ADAM12: variants seen among roughly 807,000 people sequenced by gnomAD.
The protein encoded by ADAM12 is ADAM metallopeptidase domain 12, also known as disintegrin and metalloproteinase domain-containing protein 12.
A neutral mutation model predicts 106.4 loss-of-function variants in ADAM12; 70 were observed. That is an observed-to-expected ratio of 0.66 (90% CI 0.54 to 0.80). The LOEUF (loss-of-function observed/expected upper bound fraction) is 0.80, where lower values mean the gene tolerates loss of function less well. ADAM12 is among the 30% of genes least tolerant of loss of function. The pLI is 0.00. For missense variants in ADAM12, 1,010 were observed against 1,171.9 expected, an observed-to-expected ratio of 0.86 and a Z score of 2.02; for synonymous variants, 420 against 433.5, an observed-to-expected ratio of 0.97 and a Z score of 0.39.
At chr10:126,374,256 TC>T in intron 1 of ADAM12, among the ~76,000 whole-genome samples, 1 of 152,162 alleles carries the variant, frequency 6.6e-6, no homozygotes, top group East Asian at 1.9e-4. Flanking sequence ...ACTCTTCTAA[TC>T]CAGGGTACAT....
At chr10:126,231,045 C>T (rs10901565) in intron 3 of ADAM12, among the ~76,000 whole-genome samples, 30,166 of 152,098 alleles carry the variant, frequency 0.2, 3,151 homozygotes, top group African/African-American at 0.26. Flanking sequence ...AAGACATCAA[C>T]TTAAAGGGAC....
chr10:126,190,989 C>CTTTTTTTT lies in ADAM12; in HGVS notation c.261-35685_261-35684insAAAAAAAA, dbSNP rs1957488604. Among the ~76,000 whole-genome samples, 52 of 68,728 alleles carry CTTTTTTTT rather than the reference C, an allele frequency of 7.6e-4. 24 individuals are homozygous for CTTTTTTTT. Among genetic ancestry groups the CTTTTTTTT allele is most frequent in the African/African-American group, 9.5e-4 (25 of 26,306 alleles). The allele number at this position is 68,728 out of a possible 152,430, so 45.1% of individuals were successfully genotyped here. A position where few individuals can be genotyped will look rare whatever the true frequency, so the allele number is the denominator to read the frequency against. On this transcript the variant is annotated intron_variant, in intron 3 of 22. Transcript: ENST00000448723. ...TTTGAGTTGCCATGAGGAGTTTTGTCCTTTTTTTTTTTTTTTTTTTTTTTT... is the reference window on the plus strand; with the variant it reads ...TTTGAGTTGCCATGAGGAGTTTTGTCTTTTTTTTCTTTTTTTTTTTTTTTTTTTTTTTT...
chr10:126,229,866 G>A (rs1161757290), intron 3 of ADAM12, among the ~76,000 whole-genome samples: 1 of 152,114 alleles, frequency 6.6e-6, no homozygotes, highest in Non-Finnish European at 1.5e-5. Context: ...ATGCTTCTGC[G>A]CTTTCTATTG....
intron 3 of ADAM12, among the ~76,000 whole-genome samples, chr10:126,239,684 T>C (rs530376145): frequency 3.9e-4 from 59 of 152,226 alleles, no homozygotes; most frequent in Non-Finnish European, 6.0e-4. Flanking sequence ...ATCTAAGGAA[T>C]TATGACATAG....
At chr10:126,202,570 C>T (rs1052228187) in intron 3 of ADAM12, among the ~76,000 whole-genome samples, 18 of 152,142 alleles carry the variant, frequency 1.2e-4, no homozygotes, top group Admixed American at 6.5e-5. Flanking sequence ...ATAATTGCTG[C>T]AGTGGATTGA....
At chr10:126,262,334 A>G (rs1959018713) in intron 3 of ADAM12, among the ~76,000 whole-genome samples, 1 of 149,452 alleles carries the variant, frequency 6.7e-6, no homozygotes, top group Non-Finnish European at 1.5e-5. Flanking sequence ...GATTATAGGA[A>G]AAAAAGATGC....
intron 1 of ADAM12, among the ~76,000 whole-genome samples, chr10:126,370,310 C>A (rs1856064978): frequency 6.6e-6 from 1 of 152,186 alleles, no homozygotes; most frequent in Non-Finnish European, 1.5e-5. Flanking sequence ...CAATAAATAA[C>A]AAATGCACTC....
rs189710207 is a variant in ADAM12, at chr10:126,206,947, C to A, written c.261-51642G>T. 6.0e-5 allele frequency among the ~76,000 whole-genome samples: 9 copies of A among 150,680 alleles called. No homozygotes were observed. The East Asian group carries it at 1.8e-3, about 29-fold the overall frequency. The stretch of plus-strand genomic sequence containing the variant: ...TGATAGTGAATAAGTCTCACAAGAT[C>A]TGATGGTTTTATAAAGGGGAGTTTC... On this transcript the variant is annotated intron_variant, in intron 3 of 22. Transcript: ENST00000448723.
Position 126,017,149 on chromosome 10 carries a change from C to A in ADAM12, c.*130G>T. ...CACAGCACAGCACTGACGGCAGTAGCTCAAAGTTCTTATAGTAATGATGTT... is the reference window on the plus strand; with the variant it reads ...CACAGCACAGCACTGACGGCAGTAGATCAAAGTTCTTATAGTAATGATGTT... On this transcript the variant is annotated 3_prime_UTR_variant, in exon 23 of 23. Transcript: ENST00000448723. 2.5e-6 allele frequency: 2 copies of A among 808,508 alleles called. No homozygotes were observed. Among genetic ancestry groups the A allele is most frequent in the Non-Finnish European group, 3.9e-6 (2 of 507,664 alleles). 50.1% of individuals were successfully genotyped at this position (808,508 alleles called of 1,614,324 possible). A position where few individuals can be genotyped will look rare whatever the true frequency, so the allele number is the denominator to read the frequency against.
At chr10:126,039,102 G>T (rs934934722) in intron 19 of ADAM12, among the ~76,000 whole-genome samples, 192 bp downstream of exon 19, 1 of 151,794 alleles carries the variant, frequency 6.6e-6, no homozygotes, top group African/African-American at 2.4e-5. Flanking sequence ...TGGGACTACA[G>T]GCACCCACCA....
At chr10:126,332,710 A>G (rs1288884703) in intron 1 of ADAM12, among the ~76,000 whole-genome samples, 1 of 152,176 alleles carries the variant, frequency 6.6e-6, no homozygotes, top group Non-Finnish European at 1.5e-5. Flanking sequence ...GAGGGAGCGC[A>G]AGACTTTCCT....
chr10:126,081,200 C>T (rs1955207457), intron 11 of ADAM12, among the ~76,000 whole-genome samples: 1 of 152,136 alleles, frequency 6.6e-6, no homozygotes, highest in South Asian at 2.1e-4. Flanking sequence ...CAGGGGCTCA[C>T]ATCTGTCTGA....
At chr10:126,095,262 C>T (rs1955534659) in intron 10 of ADAM12, among the ~76,000 whole-genome samples, 1 of 152,026 alleles carries the variant, frequency 6.6e-6, no homozygotes, top group East Asian at 1.9e-4. Context: ...AGGCCAGGCG[C>T]AGTGGCTCAC....
chr10:126,203,756 A>G (rs1367592514), intron 3 of ADAM12, among the ~76,000 whole-genome samples: 1 of 152,198 alleles, frequency 6.6e-6, no homozygotes, highest in Admixed American at 6.5e-5. Flanking sequence ...ACTATTTAAA[A>G]AAATAAGTTT....
intron 5 of ADAM12, among the ~76,000 whole-genome samples, chr10:126,129,829 C>T (rs1301849190): frequency 6.6e-6 from 1 of 152,166 alleles, no homozygotes; most frequent in Non-Finnish European, 1.5e-5. Flanking sequence ...CAAGAGCCAT[C>T]TCCTCTTTCA....
chr10:126,082,363 G>GTTTTTTTTTT lies in ADAM12; in HGVS notation c.1146-10719_1146-10710dup, dbSNP rs5788763. Among the ~76,000 whole-genome samples, 45 of 80,778 alleles carry GTTTTTTTTTT rather than the reference G, an allele frequency of 5.6e-4. 5 individuals carry two copies. Among genetic ancestry groups the GTTTTTTTTTT allele is most frequent in the African/African-American group, 1.1e-3 (20 of 18,716 alleles). The allele number at this position is 80,778 out of a possible 152,430, so 53.0% of individuals were successfully genotyped here. ...CTCTGGAGAAGACAATCTAATGACTGTTTTTTTTTTTTTTTTTTTTTTTTA... is the reference window on the plus strand; with the variant it reads ...CTCTGGAGAAGACAATCTAATGACTGTTTTTTTTTTTTTTTTTTTTTTTTTTTTTTTTTTA... On this transcript the variant is annotated intron_variant, in intron 11 of 22. Coordinates refer to ENST00000448723, the MANE Select transcript of ADAM12 (RefSeq NM_001288973.2).
intron 3 of ADAM12, among the ~76,000 whole-genome samples, chr10:126,165,890 T>C (rs1382562500): frequency 6.6e-6 from 1 of 152,218 alleles, no homozygotes; most frequent in Non-Finnish European, 1.5e-5. Context: ...ATTTAAACTG[T>C]ACATCTGTAA....
chr10:126,342,048 C>T (rs1462914178), intron 1 of ADAM12, among the ~76,000 whole-genome samples: 2 of 152,158 alleles, frequency 1.3e-5, no homozygotes, highest in Non-Finnish European at 2.9e-5. Flanking sequence ...CAAGAAGGGG[C>T]ACATCCTATG....
chr10:126,211,108 T>C (rs1435624834), intron 3 of ADAM12, among the ~76,000 whole-genome samples: 1 of 152,102 alleles, frequency 6.6e-6, no homozygotes, highest in Non-Finnish European at 1.5e-5. Flanking sequence ...ATGTGAGTTA[T>C]GGGAGCTGCT....
Sources: gnomAD v4.1 joint callset for allele counts (sites outside exome capture counted in the v4.1 genomes callset) on GRCh38, gnomAD v4.1.1 for gene constraint, MANE v1.5 for transcripts, NCBI Gene and HGNC (gene_info 2026-07-23, HGNC 2026-07-21) for gene names.